Variants in TENM2 observed in about 807,000 individuals in gnomAD.
TENM2 encodes the protein teneurin-2.
In TENM2, 52 loss-of-function variants were observed where a neutral mutation model predicts 245.2. The ratio of observed to expected loss-of-function variants is 0.21; its 90% CI spans 0.17 to 0.27. The LOEUF (loss-of-function observed/expected upper bound fraction) is 0.27, where lower values mean the gene tolerates loss of function less well. TENM2 is among the 10% of genes least tolerant of loss of function. The pLI, the probability that TENM2 is intolerant of heterozygous loss-of-function variation, is 1.00. For synonymous variants in TENM2, 1,363 were observed against 1,438.9 expected (o/e 0.95, Z 1.19); for missense variants, 3,046 against 3,666.8 (o/e 0.83, Z 4.37).
intron 2 of TENM2, among the ~76,000 whole-genome samples, chr5:167,503,400 G>A (rs370259485): frequency 6.6e-6 from 1 of 152,036 alleles, no homozygotes; most frequent in Non-Finnish European, 1.5e-5. Context: ...ATAAAAAATG[G>A]TACGGGAGAG....
intron 2 of TENM2, among the ~76,000 whole-genome samples, chr5:167,863,086 C>T (rs1047923072): frequency 2.0e-5 from 3 of 152,176 alleles, no homozygotes; most frequent in African/African-American, 7.2e-5. Context: ...TACTGTATAA[C>T]CTTTGTCAAG....
In TENM2 at chr5:168,247,561, G is replaced by A; in HGVS notation, c.6622G>A (p.Asp2208Asn). Residue 2208 changes from aspartate (D) to asparagine (N), a missense_variant, in exon 27 of 29, where the codon GAC becomes AAC. Transcript: ENST00000518659. The surrounding 1 kb of genome is among the most constrained non-coding windows in gnomAD (Gnocchi z 7.8). ...GAAGTACACCTATGACTACGATGGG[G>A]ACGGGCAGCTCCAGAGCGTGGCCGT... 1 of 1,612,894 alleles carries A rather than the reference G, an allele frequency of 6.2e-7. No individual in the cohort carries two copies. The highest frequency in any genetic ancestry group is 8.5e-7 in the Non-Finnish European group (1 of 1,178,954).
chr5:167,098,509 C>G, the TENM2 span, among the ~76,000 whole-genome samples: 3 of 152,146 alleles, frequency 2.0e-5, no homozygotes, highest in African/African-American at 7.2e-5. Flanking sequence ...TGATGCTTCC[C>G]CATTCTTGCC....
At chr5:167,509,624 C>G (rs1769790779) in intron 2 of TENM2, among the ~76,000 whole-genome samples, 1 of 152,068 alleles carries the variant, frequency 6.6e-6, no homozygotes, top group Admixed American at 6.5e-5. Context: ...GTAATTAAAG[C>G]CACTAGACTT....
intron 2 of TENM2, among the ~76,000 whole-genome samples, chr5:167,474,424 A>C (rs1184555046): frequency 3.3e-5 from 5 of 152,160 alleles, no homozygotes; most frequent in Admixed American, 3.3e-4. Context: ...ATCCACAAGA[A>C]CCTGTTACAA....
the TENM2 span, among the ~76,000 whole-genome samples, chr5:167,024,437 A>G: frequency 1.3e-5 from 2 of 152,194 alleles, no homozygotes; most frequent in African/African-American, 4.8e-5. Flanking sequence ...AGTAAGAAAG[A>G]ACTAAGGTAA....
intron 3 of TENM2, chr5:167,938,686 A>G (rs1158768024): frequency 6.6e-6 from 1 of 152,230 alleles, no homozygotes; most frequent in South Asian, 2.1e-4. Context: ...ACAAATGAAC[A>G]AATCAATGAT....
chr5:167,315,141 C>A (rs777659255), intron 1 of TENM2, among the ~76,000 whole-genome samples: 13 of 152,014 alleles, frequency 8.6e-5, no homozygotes, highest in Non-Finnish European at 1.6e-4. Context: ...ATTACTAGAT[C>A]AAAAAGTATT....
intron 2 of TENM2, among the ~76,000 whole-genome samples, chr5:167,610,216 A>C (rs760132207): frequency 6.6e-6 from 1 of 152,234 alleles, no homozygotes; most frequent in East Asian, 1.9e-4. Context: ...AGGGGTGTGG[A>C]GCTTTCATGC....
intron 2 of TENM2, among the ~76,000 whole-genome samples, chr5:167,712,858 A>G (rs1410339953): frequency 6.6e-6 from 1 of 152,160 alleles, no homozygotes; most frequent in Non-Finnish European, 1.5e-5. Flanking sequence ...TTCGGCAAAC[A>G]CCCATATGTG....
chr5:167,666,816 G>A (rs756640354), intron 2 of TENM2, among the ~76,000 whole-genome samples: 1 of 152,110 alleles, frequency 6.6e-6, no homozygotes, highest in Non-Finnish European at 1.5e-5. Flanking sequence ...TGTTTGAGGT[G>A]GAAAAAACAT....
the TENM2 span, among the ~76,000 whole-genome samples, chr5:167,173,021 C>T: frequency 6.6e-6 from 1 of 152,158 alleles, no homozygotes; most frequent in Non-Finnish European, 1.5e-5. Context: ...TACCCAAACT[C>T]TGTATACAAA....
chr5:167,045,901 C>T, the TENM2 span, among the ~76,000 whole-genome samples: 10 of 152,226 alleles, frequency 6.6e-5, no homozygotes, highest in Admixed American at 6.5e-4. Context: ...TTCATTTGTA[C>T]CTGAGGAGAA....
intron 3 of TENM2, among the ~76,000 whole-genome samples, chr5:167,935,109 A>G (rs376045368): frequency 1.1e-4 from 17 of 152,312 alleles, no homozygotes; most frequent in African/African-American, 3.8e-4. Flanking sequence ...GCAATGGGAC[A>G]AGGTACTGCT....
At chr5:167,691,427 C>CGATA (rs752061801) in intron 2 of TENM2, among the ~76,000 whole-genome samples, 97 of 152,262 alleles carry the variant, frequency 6.4e-4, no homozygotes, top group Non-Finnish European at 1.0e-3. Context: ...AGACAGAGCT[C>CGATA]GATAGTCTGG....
intron 2 of TENM2, among the ~76,000 whole-genome samples, chr5:167,672,996 A>G (rs1184699245): frequency 6.6e-6 from 1 of 151,932 alleles, no homozygotes; most frequent in Non-Finnish European, 1.5e-5. Flanking sequence ...ATACCAGCCC[A>G]ACCTACCCTC....
chr5:168,075,100 C>G (rs1325416308), intron 7 of TENM2, among the ~76,000 whole-genome samples: 1 of 152,106 alleles, frequency 6.6e-6, no homozygotes, highest in Non-Finnish European at 1.5e-5. Flanking sequence ...CCACCCTTTC[C>G]CCTGAGGCCC....
chr5:167,549,488 A>T (rs1488433692), intron 2 of TENM2, among the ~76,000 whole-genome samples: 9 of 152,014 alleles, frequency 5.9e-5, no homozygotes, highest in Non-Finnish European at 1.2e-4. Flanking sequence ...TAAATCAGAT[A>T]TTTATACATC....
At chr5:167,704,752 A>G (rs181896611) in intron 2 of TENM2, among the ~76,000 whole-genome samples, 80 of 152,318 alleles carry the variant, frequency 5.3e-4, no homozygotes, top group Admixed American at 1.0e-3. Flanking sequence ...TGAAAGAATC[A>G]GCCCTTTTTA....
Sources: allele counts gnomAD v4.1 joint callset (sites outside exome capture counted in the v4.1 genomes callset), GRCh38; gene constraint gnomAD v4.1.1; non-coding constraint Gnocchi (gnomAD v3.1); transcripts MANE v1.5; gene names NCBI Gene and HGNC (gene_info 2026-07-23, HGNC 2026-07-21).